FAM78A: variants seen among roughly 807,000 people sequenced by gnomAD.
The protein encoded by FAM78A is family with sequence similarity 78 member A, also known as protein FAM78A.
FAM78A carries 12 observed loss-of-function variants against 22.6 expected under a neutral mutation model. That is an observed-to-expected ratio of 0.53 (90% CI 0.34 to 0.86). The LOEUF is 0.86. Among genes scored for constraint, FAM78A ranks in the 40% least tolerant of loss-of-function variants. FAM78A has a pLI of 0.02. For missense variants in FAM78A, 322 were observed against 396.1 expected, an observed-to-expected ratio of 0.81 and a Z score of 1.59; for synonymous variants, 151 against 155.8, an observed-to-expected ratio of 0.97 and a Z score of 0.23.
At chr9:131,278,451 G>A (rs1321869715), upstream of FAM78A, among the ~76,000 whole-genome samples, 1 of 152,166 alleles carries the variant, frequency 6.6e-6, no homozygotes, top group Non-Finnish European at 1.5e-5. Context: ...GGGGAGGGGA[G>A]AGCAGTTTGG....
chr9:131,270,037 T>TTA (rs1554748133), intron 1 of FAM78A, among the ~76,000 whole-genome samples: 1 of 85,630 alleles, frequency 1.2e-5, no homozygotes, highest in Non-Finnish European at 2.2e-5. Flanking sequence ...CCTACTAAAA[T>TTA]AAAAAAAAAA....
Position 131,275,811 on chromosome 9 carries a change from C to T in FAM78A, c.323+46G>A, listed in dbSNP as rs774533947. ...CGGCCCCCCACCAGGCCTCCAAGCTCGGCCATCCCTAGCAGTTCCCAGAGC... is the reference window on the plus strand; with the variant it reads ...CGGCCCCCCACCAGGCCTCCAAGCTTGGCCATCCCTAGCAGTTCCCAGAGC... On this transcript the variant is annotated intron_variant, in intron 1 of 1. Coordinates refer to ENST00000372271, the MANE Select transcript of FAM78A (RefSeq NM_033387.4). The surrounding 1 kb of genome is among the most constrained non-coding windows in gnomAD (Gnocchi z 4.6). 7 of 1,525,596 alleles carry T rather than the reference C, an allele frequency of 4.6e-6. No individual in the cohort carries two copies. In the East Asian group the frequency reaches 9.1e-5, roughly 20 times the overall value. The allele number at this position is 1,525,596 out of a possible 1,614,324, so 94.5% of individuals were successfully genotyped here.
chr9:131,275,796 C>T lies in FAM78A; in HGVS notation c.323+61G>A. ...CCTTCCCCCTATCCGCGGCCCCCCA[C>T]CAGGCCTCCAAGCTCGGCCATCCCT... On this transcript the variant is annotated intron_variant, in intron 1 of 1. Transcript: ENST00000372271. The surrounding 1 kb of genome is among the most constrained non-coding windows in gnomAD (Gnocchi z 4.6). 1 of 1,505,436 alleles carries T rather than the reference C, an allele frequency of 6.6e-7. No homozygotes were observed. The highest frequency in any genetic ancestry group is 1.3e-5 in the South Asian group (1 of 75,400). 93.3% of individuals were successfully genotyped at this position (1,505,436 alleles called of 1,614,324 possible). A position where few individuals can be genotyped will look rare whatever the true frequency, so the allele number is the denominator to read the frequency against.
intron 1 of FAM78A, among the ~76,000 whole-genome samples, chr9:131,266,222 T>C (rs1275701351): frequency 2.0e-5 from 3 of 151,904 alleles, no homozygotes; most frequent in Admixed American, 2.0e-4. Flanking sequence ...GCCCGAAGGA[T>C]CTTCTAAAAA....
At chr9:131,277,987 C>A (rs1263850332), upstream of FAM78A, among the ~76,000 whole-genome samples, 2 of 146,268 alleles carry the variant, frequency 1.4e-5, no homozygotes, top group East Asian at 4.0e-4. This position sits in a 1 kb window ranked among gnomAD's most constrained non-coding sequence, Gnocchi z 8.4. Flanking sequence ...CGAGCGCAGC[C>A]GGCGCACGCA....
rs1384823460 is a variant in FAM78A at position 131,276,470 on chromosome 9, G to C, written c.-291C>G. Reference sequence around the variant, plus strand: ...TCCAGCCCTTCTGTGCCTCACACGCGGGGACGGCAGCTCGCAGACTCTCCC... The same window carrying C: ...TCCAGCCCTTCTGTGCCTCACACGCCGGGACGGCAGCTCGCAGACTCTCCC... On this transcript the variant is annotated 5_prime_UTR_variant, in exon 1 of 2. Transcript: ENST00000372271. This position sits in a 1 kb window ranked among gnomAD's most constrained non-coding sequence, Gnocchi z 4.3. 7.2e-6 allele frequency: 2 copies of C among 276,846 alleles called. No individual in the cohort carries two copies. Among genetic ancestry groups the C allele is most frequent in the Non-Finnish European group, 1.4e-5 (2 of 146,808 alleles). 17.1% of individuals were successfully genotyped at this position (276,846 alleles called of 1,614,324 possible). A position where few individuals can be genotyped will look rare whatever the true frequency, so the allele number is the denominator to read the frequency against.
chr9:131,269,713 A>C lies in FAM78A; in HGVS notation c.323+6144T>G, dbSNP rs192313513. 8.2e-4 allele frequency among the ~76,000 whole-genome samples: 125 copies of C among 152,082 alleles called. 1 individual carries two copies. Among genetic ancestry groups the C allele is most frequent in the African/African-American group, 3.0e-3 (124 of 41,514 alleles). On this transcript the variant is annotated intron_variant, in intron 1 of 1. Transcript: ENST00000372271. ...GCTGGTCTCGAACTCCTGACCTCAG[A>C]TGATCCACCTGCCTCAGCCTCCCAA...
Position 131,259,468 on chromosome 9 carries a change from T to C in FAM78A, c.*1354A>G, listed in dbSNP as rs1026385823. The C allele has an allele frequency of 6.6e-6, 1 of 152,268 alleles. No homozygotes were observed. The highest frequency in any genetic ancestry group is 1.9e-4 in the East Asian group (1 of 5,174). 9.4% of individuals were successfully genotyped at this position (152,268 alleles called of 1,614,324 possible). On this transcript the variant is annotated 3_prime_UTR_variant, in exon 2 of 2. Coordinates refer to ENST00000372271, the MANE Select transcript of FAM78A (RefSeq NM_033387.4). ...AGCCCTCCCAGCCCTTGGCCTGGATTCACTTATTTGAGGACAGGAAGCAGG... is the reference window on the plus strand; with the variant it reads ...AGCCCTCCCAGCCCTTGGCCTGGATCCACTTATTTGAGGACAGGAAGCAGG...
chr9:131,280,449 T>C (rs1835530880), upstream of FAM78A, among the ~76,000 whole-genome samples: 1 of 152,150 alleles, frequency 6.6e-6, no homozygotes. Flanking sequence ...GGACATCTGT[T>C]TGAGTCATTG....
chr9:131,271,583 G>C (rs1835422415), intron 1 of FAM78A, among the ~76,000 whole-genome samples: 3 of 152,196 alleles, frequency 2.0e-5, no homozygotes, highest in Admixed American at 6.5e-5. Context: ...CATGGGCATG[G>C]GGTAGTGTCC....
rs1431708609 is a variant in FAM78A at position 131,259,272 on chromosome 9, C to G, written c.*1550G>C. 2 of 152,514 alleles carry G rather than the reference C, an allele frequency of 1.3e-5. No homozygotes were observed. The highest frequency in any genetic ancestry group is 4.8e-5 in the African/African-American group (2 of 41,446). The allele number at this position is 152,514 out of a possible 1,614,324, so 9.4% of individuals were successfully genotyped here. A position where few individuals can be genotyped will look rare whatever the true frequency, so the allele number is the denominator to read the frequency against. On this transcript the variant is annotated 3_prime_UTR_variant, in exon 2 of 2. Transcript: ENST00000372271. ...CCACAAGGCCGACACTGCTCAGAACCCTGGCACAATGGGTCAGGACTAAGT... is the reference window on the plus strand; with the variant it reads ...CCACAAGGCCGACACTGCTCAGAACGCTGGCACAATGGGTCAGGACTAAGT...
chr9:131,268,893 A>C (rs1394771988), intron 1 of FAM78A, among the ~76,000 whole-genome samples: 2 of 42,914 alleles, frequency 4.7e-5, no homozygotes, highest in African/African-American at 1.0e-4. Flanking sequence ...ACTCCGTCTC[A>C]AAAAAAAAAA....
intron 1 of FAM78A, among the ~76,000 whole-genome samples, chr9:131,270,933 C>T (rs1835413428): frequency 6.6e-6 from 1 of 151,444 alleles, no homozygotes; most frequent in South Asian, 2.1e-4. Flanking sequence ...CCATTCTCAG[C>T]GTCATCCCAG....
upstream of FAM78A, among the ~76,000 whole-genome samples, chr9:131,280,225 T>C (rs953901793): frequency 2.6e-5 from 4 of 152,164 alleles, no homozygotes; most frequent in Non-Finnish European, 5.9e-5. Context: ...CTCCCTGCCC[T>C]GGCTTCTGAA....
At chr9:131,266,329 G>T (rs1281020256) in intron 1 of FAM78A, among the ~76,000 whole-genome samples, 1 of 152,182 alleles carries the variant, frequency 6.6e-6, no homozygotes, top group Non-Finnish European at 1.5e-5. Flanking sequence ...CCCTGCGTGT[G>T]TGCACACGTG....
In FAM78A at chr9:131,260,805, G is replaced by C. The variant is rs376376762; in HGVS notation, c.*17C>G. On this transcript the variant is annotated 3_prime_UTR_variant, in exon 2 of 2. Transcript: ENST00000372271. This position sits in a 1 kb window ranked among gnomAD's most constrained non-coding sequence, Gnocchi z 5.4. ...TATTATTATTTGTGAGTCTAACCTA[G>C]CGGGTGGTCCTGGCTGTCACCGGTG... 79 of 1,513,692 alleles carry C rather than the reference G, an allele frequency of 5.2e-5. No individual in the cohort carries two copies. Among genetic ancestry groups the C allele is most frequent in the Non-Finnish European group, 6.4e-5 (72 of 1,132,680 alleles). The allele number at this position is 1,513,692 out of a possible 1,614,324, so 93.8% of individuals were successfully genotyped here.
In FAM78A at chr9:131,274,064, C is replaced by A. The variant is rs141355939; in HGVS notation, c.323+1793G>T. ...CTCAGGCCTAGCTCCAGCCACATCA[C>A]CCACACCTACTCAGGGTCACCAGAT... is the stretch of plus-strand genomic sequence containing the variant. On this transcript the variant is annotated intron_variant, in intron 1 of 1. Transcript: ENST00000372271. This position sits in a 1 kb window ranked among gnomAD's most constrained non-coding sequence, Gnocchi z 4.2. 6.6e-3 allele frequency among the ~76,000 whole-genome samples: 1,001 copies of A among 152,350 alleles called. 2 individuals carry two copies. The highest frequency in any genetic ancestry group is 0.01 in the Non-Finnish European group (699 of 68,040).
At chr9:131,270,184 T>C (rs1349566754) in intron 1 of FAM78A, 5 of 687,570 alleles carry the variant, frequency 7.3e-6, no homozygotes, top group African/African-American at 7.1e-5. Flanking sequence ...CCAGCCTGGG[T>C]GACAAGAGTG....
Position 131,261,233 on chromosome 9 carries a change from G to A in FAM78A, c.441C>T (p.Pro147=), listed in dbSNP as rs768427039. The A allele has an allele frequency of 1.2e-6, 2 of 1,613,484 alleles. No individual in the cohort carries two copies. The highest frequency in any genetic ancestry group is 2.2e-5 in the South Asian group (2 of 91,078). Residue 147 remains proline, a synonymous_variant, in exon 2 of 2, where the codon CCC becomes CCT. Transcript: ENST00000372271. The surrounding 1 kb of genome is among the most constrained non-coding windows in gnomAD (Gnocchi z 7.1). The part of the protein sequence containing the change: ...NTTETCTIVG[P]TKRDSKFIIS... ...TGATGAACTTGGAGTCCCTCTTGGT[G>A]GGGCCCACGATGGTGCAGGTCTCTG... is the stretch of plus-strand genomic sequence containing the variant.
Sources: gnomAD v4.1 joint callset for allele counts (sites outside exome capture counted in the v4.1 genomes callset) on GRCh38, gnomAD v4.1.1 for gene constraint, Gnocchi (gnomAD v3.1) non-coding constraint, MANE v1.5 for transcripts, NCBI Gene and HGNC (gene_info 2026-07-23, HGNC 2026-07-21) for gene names.